Variants in ITGA6 observed in about 807,000 individuals in gnomAD.
ITGA6 encodes integrin subunit alpha 6.
Under a neutral mutation model 133.6 loss-of-function variants are expected in ITGA6, and 63 were observed. The ratio of observed to expected loss-of-function variants is 0.47; its 90% CI spans 0.38 to 0.58. The LOEUF (loss-of-function observed/expected upper bound fraction) is 0.58. Among genes scored for constraint, ITGA6 ranks in the 20% least tolerant of loss-of-function variants. The pLI is 0.00. For missense variants in ITGA6, 1,068 were observed against 1,309.4 expected (o/e 0.82, Z 2.85); for synonymous variants, 434 against 482.0 (o/e 0.90, Z 1.30).
intron 1 of ITGA6, among the ~76,000 whole-genome samples, chr2:172,455,649 G>A (rs886755400): frequency 4.7e-4 from 71 of 152,190 alleles, no homozygotes; most frequent in African/African-American, 1.6e-3. Flanking sequence ...AGGTTATTCT[G>A]AAGTGATTCT....
intron 1 of ITGA6, among the ~76,000 whole-genome samples, chr2:172,431,734 C>A (rs35265291): frequency 6.6e-6 from 1 of 152,100 alleles, no homozygotes; most frequent in Admixed American, 6.5e-5. Context: ...AAAGCCAAAA[C>A]GGGCAGCGAG....
chr2:172,473,932 T>G (rs367687925), intron 5 of ITGA6, 123 bp from the exon 6 acceptor site: 1 of 651,346 alleles, frequency 1.5e-6, no homozygotes, highest in Non-Finnish European at 2.7e-6. Context: ...TGATAGCTGG[T>G]GGGAGGGTCA....
intron 1 of ITGA6, among the ~76,000 whole-genome samples, chr2:172,430,176 G>GT (rs909261206): frequency 9.2e-5 from 14 of 152,314 alleles, no homozygotes; most frequent in African/African-American, 3.4e-4. Context: ...GCTTACTGGG[G>GT]TTATTATGAG....
Position 172,481,630 on chromosome 2 carries a change from C to T in ITGA6, c.1549+1579C>T, listed in dbSNP as rs113904631. Among the ~76,000 whole-genome samples, 33 of 152,206 alleles carry T rather than the reference C, an allele frequency of 2.2e-4. 1 individual carries two copies. The highest frequency in any genetic ancestry group is 7.2e-4 in the African/African-American group (30 of 41,520). ...TCGAGCTGTCTGCAGGTGGTTTCTC[C>T]GTCTCCCCTTCTGTGGGGTCGTCTC... On this transcript the variant is annotated intron_variant, in intron 11 of 25. Coordinates refer to ENST00000684293, the MANE Select transcript of ITGA6 (RefSeq NM_000210.4).
chr2:172,466,700 T>C (rs1166479809), intron 2 of ITGA6, among the ~76,000 whole-genome samples: 1 of 152,248 alleles, frequency 6.6e-6, no homozygotes, highest in Admixed American at 6.5e-5. Flanking sequence ...CACAGACCTA[T>C]GAAGAATAAA....
Position 172,485,186 on chromosome 2 carries a change from C to T in ITGA6, c.1776C>T (p.Ser592=), listed in dbSNP as rs1011184134. The change falls in exon 13 of 26, where the codon AGC becomes AGT. Residue 592 remains serine, a synonymous_variant. Transcript: ENST00000684293. ...CCTCAGTGGAGATCCAAGAGCCAAGCTCTCGTAGGCGAGTGAATTCACTTC... is the reference window on the plus strand; with the variant it reads ...CCTCAGTGGAGATCCAAGAGCCAAGTTCTCGTAGGCGAGTGAATTCACTTC... The part of the protein sequence containing the change: ...ITASVEIQEP[S]SRRRVNSLPE... The T allele has an allele frequency of 8.7e-6, 14 of 1,613,624 alleles. No individual in the cohort carries two copies. The Admixed American group carries it at 1.0e-4, about 12-fold the overall frequency.
chr2:172,494,877 A>T lies in ITGA6; in HGVS notation c.2989-3098A>T, dbSNP rs182056101. 7.2e-3 allele frequency among the ~76,000 whole-genome samples: 1,093 copies of T among 152,192 alleles called. 11 individuals are homozygous for T. Among genetic ancestry groups the T allele is most frequent in the African/African-American group, 0.024 (1,015 of 41,504 alleles). On this transcript the variant is annotated intron_variant, in intron 23 of 25. Transcript: ENST00000684293. ...GTATCCAAGCTTCCTGGCTGTCAAA[A>T]TTTTTTTTAAAATGACCAAAAAAAT...
At chr2:172,438,574 C>A (rs144001318) in intron 1 of ITGA6, among the ~76,000 whole-genome samples, 170 of 151,926 alleles carry the variant, frequency 1.1e-3, no homozygotes, top group African/African-American at 3.9e-3. Flanking sequence ...AATTACTTAT[C>A]TTCATTGGTC....
At chr2:172,448,257 C>G (rs946432682) in intron 1 of ITGA6, among the ~76,000 whole-genome samples, 2 of 151,942 alleles carry the variant, frequency 1.3e-5, no homozygotes, top group South Asian at 2.1e-4. Context: ...ACTGACCATG[C>G]TCTTGTAATA....
In ITGA6 at chr2:172,480,016, A is replaced by G. The variant is rs774175345; in HGVS notation, c.1514A>G (p.Tyr505Cys). 1.9e-6 allele frequency: 3 copies of G among 1,594,690 alleles called. No homozygotes were observed. Among genetic ancestry groups the G allele is most frequent in the South Asian group, 2.2e-5 (2 of 90,682 alleles). ...ICLQVKSCFEYTANPAGYNPS... is the reference protein window; with the variant it reads ...ICLQVKSCFECTANPAGYNPS... The stretch of plus-strand genomic sequence containing the variant: ...CTCCAGGTTAAATCCTGTTTTGAAT[A>G]TACTGCTAACCCCGCTGGTTATAAT... The change falls in exon 11 of 26, where the codon TAT (tyrosine) becomes TGT (cysteine). Residue 505 changes from tyrosine to cysteine, a missense_variant. Tyr to Cys is a radical substitution (Grantham distance 194). This residue lies in a region of ITGA6 where 609 missense variants were observed against 707.2 expected (regional missense o/e 0.86). Coordinates refer to ENST00000684293, the MANE Select transcript of ITGA6 (RefSeq NM_000210.4).
chr2:172,483,398 A>G (rs1294691193), intron 11 of ITGA6, among the ~76,000 whole-genome samples: 2 of 152,026 alleles, frequency 1.3e-5, no homozygotes, highest in Non-Finnish European at 2.9e-5. Context: ...GTCTCTTCCA[A>G]CTCTAAAGTG....
chr2:172,454,806 G>A (rs1685148315), intron 1 of ITGA6, among the ~76,000 whole-genome samples: 1 of 152,182 alleles, frequency 6.6e-6, no homozygotes, highest in African/African-American at 2.4e-5. Context: ...CTTGTAATGT[G>A]GAAGAGGGAG....
At chr2:172,443,700 G>A (rs1052961691) in intron 1 of ITGA6, among the ~76,000 whole-genome samples, 8 of 152,240 alleles carry the variant, frequency 5.3e-5, no homozygotes, top group African/African-American at 1.7e-4. Flanking sequence ...AGAATGGCTT[G>A]TTGGAATGTG....
intron 1 of ITGA6, among the ~76,000 whole-genome samples, chr2:172,441,635 G>C (rs545400791): frequency 4.9e-5 from 7 of 142,840 alleles, no homozygotes; most frequent in African/African-American, 1.6e-4. Flanking sequence ...TTTCATCTGT[G>C]AACGAGAGTA....
chr2:172,452,760 G>A (rs936043661), intron 1 of ITGA6, among the ~76,000 whole-genome samples: 42 of 152,300 alleles, frequency 2.8e-4, no homozygotes, highest in African/African-American at 9.6e-4. Flanking sequence ...TCATTTTGGC[G>A]TTTGTAACCG....
intron 7 of ITGA6, 135 bp downstream of exon 7, chr2:172,475,257 C>T (rs1292644161): frequency 1.6e-5 from 11 of 700,814 alleles, no homozygotes; most frequent in South Asian, 3.0e-5. Context: ...CACCTGAGGT[C>T]GGGAGTTCGA....
At chr2:172,479,823 GGGAAGAT>G in intron 10 of ITGA6, 84 bp downstream of exon 10, 1 of 1,334,390 alleles carries the variant, frequency 7.5e-7, no homozygotes, top group Non-Finnish European at 1.1e-6. Flanking sequence ...AGGAGCCACA[GGGAAGAT>G]GACAGGAGTG....
At chr2:172,472,809 C>T in intron 5 of ITGA6, 2 of 1,612,516 alleles carry the variant, frequency 1.2e-6, no homozygotes, top group Non-Finnish European at 1.7e-6. Flanking sequence ...CTATACAGAT[C>T]CTGATCAGTT....
In ITGA6 at chr2:172,458,385, G is replaced by A. The variant is rs117974080; in HGVS notation, c.183-7154G>A. Reference sequence around the variant, plus strand: ...CTCCCAGATAGCTGGGATTACAGGTGTGAGCCACCGCACCCGGCCAAGAAT... The same window carrying A: ...CTCCCAGATAGCTGGGATTACAGGTATGAGCCACCGCACCCGGCCAAGAAT... On this transcript the variant is annotated intron_variant, in intron 1 of 25. Transcript: ENST00000684293. Among the ~76,000 whole-genome samples the A allele has an allele frequency of 4.9e-3, 738 of 151,994 alleles. 16 individuals carry two copies. The highest frequency in any genetic ancestry group is 0.036 in the East Asian group (185 of 5,150).
Sources: gnomAD v4.1 joint callset for allele counts (sites outside exome capture counted in the v4.1 genomes callset) on GRCh38, gnomAD v4.1.1 for gene constraint, gnomAD v4.1.1 regional missense constraint, MANE v1.5 for transcripts, NCBI Gene and HGNC (gene_info 2026-07-23, HGNC 2026-07-21) for gene names.